Variants in FLCN observed in about 807,000 individuals in gnomAD.
FLCN encodes folliculin, also known as BHD skin lesion fibrofolliculoma protein.
Under a neutral mutation model 62.5 loss-of-function variants are expected in FLCN, and 22 were observed. The ratio of observed to expected loss-of-function variants is 0.35; its 90% CI spans 0.25 to 0.50. The LOEUF is 0.50. Ranked by LOEUF, FLCN falls within the 20% of genes least tolerant of loss-of-function variation. The probability of loss-of-function intolerance (pLI) is 0.97; values close to 1 mark genes in which losing one functional copy is unlikely to be tolerated. For synonymous variants in FLCN, 319 were observed against 310.0 expected, an observed-to-expected ratio of 1.03 and a Z score of -0.30; for missense variants, 657 against 778.0, an observed-to-expected ratio of 0.84 and a Z score of 1.85.
rs1425294935 is a variant in FLCN at position 17,214,412 on chromosome 17, GCTA to G, written c.1539-559_1539-557del. The stretch of plus-strand genomic sequence containing the variant: ...AGTTCAAGACCAGCCTGGCCAACAT[GCTA>G]AAACCCTGTCTCTACTAAAAATACA... On this transcript the variant is annotated intron_variant, in intron 13 of 13. Transcript: ENST00000285071. Among the ~76,000 whole-genome samples, 186 of 151,938 alleles carry G rather than the reference GCTA, an allele frequency of 1.2e-3. 1 individual carries two copies. In the East Asian group the frequency reaches 0.029, roughly 24 times the overall value.
chr17:17,237,156 C>T lies in FLCN; in HGVS notation c.-472G>A, dbSNP rs1484836686. 1.3e-5 allele frequency: 2 copies of T among 152,230 alleles called. No homozygotes were observed. Among genetic ancestry groups the T allele is most frequent in the African/African-American group, 4.8e-5 (2 of 41,438 alleles). The allele number at this position is 152,230 out of a possible 1,614,324, so 9.4% of individuals were successfully genotyped here. A position where few individuals can be genotyped will look rare whatever the true frequency, so the allele number is the denominator to read the frequency against. On this transcript the variant is annotated 5_prime_UTR_variant, in exon 1 of 14. Transcript: ENST00000285071. ...GGAGCGACCACACTCACTCGCGGTC[C>T]CGCAGCCCCGCCGACACCCAGGCGC... is the stretch of plus-strand genomic sequence containing the variant.
chr17:17,221,964 CT>C (rs1251685269), intron 7 of FLCN, among the ~76,000 whole-genome samples: 2 of 151,404 alleles, frequency 1.3e-5, no homozygotes, highest in Admixed American at 1.3e-4. Flanking sequence ...ACTCAGGAGT[CT>C]GTCCGTTTTG....
chr17:17,233,515 C>T (rs563448675), intron 1 of FLCN, among the ~76,000 whole-genome samples: 15 of 142,052 alleles, frequency 1.1e-4, no homozygotes, highest in Middle Eastern at 4.0e-3. Context: ...AGGAGAATGG[C>T]GTGAACCTGA....
intron 7 of FLCN, 78 bp downstream of exon 7, chr17:17,222,423 A>G: frequency 1.2e-6 from 2 of 1,600,782 alleles, no homozygotes; most frequent in Non-Finnish European, 8.5e-7. Flanking sequence ...CTGTTCTCCC[A>G]AATCCATGGA....
In FLCN at chr17:17,218,960, G is replaced by A. The variant is rs1489697809; in HGVS notation, c.1062+59C>T. 4 of 1,580,816 alleles carry A rather than the reference G, an allele frequency of 2.5e-6. No homozygotes were observed. In the South Asian group the frequency reaches 3.3e-5, roughly 13 times the overall value. On this transcript the variant is annotated intron_variant, in intron 9 of 13. Transcript: ENST00000285071. ...TCCAGAGGCAAGGCGTGTGGGCAGG[G>A]ACAGCCCATGACTGGCTCTCCTCCT...
chr17:17,233,301 A>T (rs2349865), intron 1 of FLCN, among the ~76,000 whole-genome samples: 110,022 of 151,432 alleles, frequency 0.73, 40,475 homozygotes, highest in East Asian at 0.84. Context: ...AAAAATTTTT[A>T]AAAAAAATTA....
Position 17,213,492 on chromosome 17 carries a change from G to T in FLCN, c.*163C>A. On this transcript the variant is annotated 3_prime_UTR_variant, in exon 14 of 14. Transcript: ENST00000285071. ...GGAGGGAGAGTCTGGGAAGCACACA[G>T]GCCCCAAACCTGACAGGGCCGAGCC... is the stretch of plus-strand genomic sequence containing the variant. 1 of 880,134 alleles carries T rather than the reference G, an allele frequency of 1.1e-6. No homozygotes were observed. The highest frequency in any genetic ancestry group is 1.8e-6 in the Non-Finnish European group (1 of 551,892). 54.5% of individuals were successfully genotyped at this position (880,134 alleles called of 1,614,324 possible).
intron 1 of FLCN, chr17:17,236,249 C>G (rs950030432): frequency 3.3e-5 from 5 of 152,234 alleles, no homozygotes; most frequent in Non-Finnish European, 7.3e-5. Flanking sequence ...CTCACTGTGG[C>G]TCTATTTCCA....
At chr17:17,214,062 G>T (rs575431680) in intron 13 of FLCN, among the ~76,000 whole-genome samples, 66 of 152,226 alleles carry the variant, frequency 4.3e-4, no homozygotes, top group African/African-American at 1.6e-3. Flanking sequence ...TGTCGGGGCT[G>T]GGCTCGGCCC....
chr17:17,223,711 G>A (rs754470923), intron 6 of FLCN, among the ~76,000 whole-genome samples: 2 of 152,254 alleles, frequency 1.3e-5, no homozygotes, highest in South Asian at 2.1e-4. Context: ...CCAGGACAAC[G>A]GGCACAAGAG....
chr17:17,233,794 G>C (rs2047497112), intron 1 of FLCN, among the ~76,000 whole-genome samples: 1 of 135,622 alleles, frequency 7.4e-6, no homozygotes, highest in Non-Finnish European at 1.5e-5. Context: ...CGTGATCTCA[G>C]CTCACTGCAA....
rs1313543996 is a variant in FLCN at position 17,221,638 on chromosome 17, A to C, written c.780-10T>G. The C allele has an allele frequency of 1.2e-6, 2 of 1,606,026 alleles. No individual in the cohort carries two copies. The highest frequency in any genetic ancestry group is 2.2e-5 in the South Asian group (2 of 91,048). ...ACACGCCTTCAGGAGCCTGGAGAAC[A>C]CAGCACCAGCTATGAGCGTTCTCGC... On this transcript the variant is annotated splice_polypyrimidine_tract_variant and intron_variant, in intron 7 of 13. Transcript: ENST00000285071.
In FLCN at chr17:17,215,040, G is replaced by A. The variant is rs2046868904; in HGVS notation, c.1483C>T (p.Leu495=). Residue 495 remains leucine, a synonymous_variant, in exon 13 of 14, where the codon CTG becomes TTG. Transcript: ENST00000285071. ...KIEAALTNQN[L]SVDVVDQCLV... is the part of the protein sequence containing the mutation. ...CACTGGTCCACCACATCCACAGACA[G>A]GTTCTGGTTGGTCAGAGCCGCTTCA... 3 of 1,614,072 alleles carry A rather than the reference G, an allele frequency of 1.9e-6. No homozygotes were observed. Among genetic ancestry groups the A allele is most frequent in the Non-Finnish European group, 2.5e-6 (3 of 1,180,040 alleles).
rs960492205 is a variant in FLCN, at chr17:17,228,442, C to A, written c.-24-281G>T. 9.4e-6 allele frequency: 4 copies of A among 423,566 alleles called. No individual in the cohort carries two copies. The South Asian group carries it at 1.1e-4, about 11-fold the overall frequency. 26.2% of individuals were successfully genotyped at this position (423,566 alleles called of 1,614,324 possible). On this transcript the variant is annotated intron_variant, in intron 3 of 13. Coordinates refer to ENST00000285071, the MANE Select transcript of FLCN (RefSeq NM_144997.7). Reference sequence around the variant, plus strand: ...GACAGAGCCACAGCCACAAAGCCAACGGCGCTGGAAAGGAATGTCCTCAAG... The same window carrying A: ...GACAGAGCCACAGCCACAAAGCCAAAGGCGCTGGAAAGGAATGTCCTCAAG...
intron 1 of FLCN, chr17:17,236,173 A>G (rs1463908526): frequency 1.3e-5 from 2 of 152,226 alleles, no homozygotes; most frequent in Admixed American, 1.3e-4. Context: ...TTAAGTTAGC[A>G]GCTGGGATCC....
intron 3 of FLCN, chr17:17,229,617 C>A (rs928523710): frequency 1.3e-5 from 2 of 152,244 alleles, no homozygotes; most frequent in African/African-American, 4.8e-5. Context: ...ATACTTCATG[C>A]CACGGCACTG....
In FLCN at chr17:17,215,308, C is replaced by G. The variant is rs772207015; in HGVS notation, c.1309G>C (p.Val437Leu). Residue 437 changes from valine (V) to leucine (L), a missense_variant, in exon 12 of 14, where the codon GTC becomes CTC. Coordinates refer to ENST00000285071, the MANE Select transcript of FLCN (RefSeq NM_144997.7). The stretch of plus-strand genomic sequence containing the variant: ...GCGGCTGCGTGGACCTCCACGATGA[C>G]AGCAAACTCTGTAACAACACAAGGC... ...PPHVLSSEFAVIVEVHAAARS... is the reference protein window; with the variant it reads ...PPHVLSSEFALIVEVHAAARS... 13 of 1,614,034 alleles carry G rather than the reference C, an allele frequency of 8.1e-6. No homozygotes were observed. The highest frequency in any genetic ancestry group is 1.0e-5 in the Non-Finnish European group (12 of 1,180,018).
intron 3 of FLCN, among the ~76,000 whole-genome samples, chr17:17,230,059 G>A (rs2047374551): frequency 6.6e-6 from 1 of 152,176 alleles, no homozygotes; most frequent in African/African-American, 2.4e-5. Context: ...GGTTCTCACT[G>A]GCAGAGAAGT....
At position 17,213,495 on chromosome 17, in the gene FLCN, C is replaced by T. The variant is rs978811637; in HGVS notation, c.*160G>A. On this transcript the variant is annotated 3_prime_UTR_variant, in exon 14 of 14. Coordinates refer to ENST00000285071, the MANE Select transcript of FLCN (RefSeq NM_144997.7). The stretch of plus-strand genomic sequence containing the variant: ...GGGAGAGTCTGGGAAGCACACAGGC[C>T]CCAAACCTGACAGGGCCGAGCCCAG... 2.1e-6 allele frequency: 2 copies of T among 949,526 alleles called. No individual in the cohort carries two copies. The highest frequency in any genetic ancestry group is 3.3e-6 in the Non-Finnish European group (2 of 612,308). 58.8% of individuals were successfully genotyped at this position (949,526 alleles called of 1,614,324 possible).
Sources: gnomAD v4.1 joint callset for allele counts (sites outside exome capture counted in the v4.1 genomes callset) on GRCh38, gnomAD v4.1.1 for gene constraint, MANE v1.5 for transcripts, NCBI Gene and HGNC (gene_info 2026-07-23, HGNC 2026-07-21) for gene names.